Variants in KCNN2 observed in about 807,000 individuals in gnomAD.
KCNN2 encodes small conductance calcium-activated potassium channel protein 2.
In KCNN2, 24 loss-of-function variants were observed where a neutral mutation model predicts 55.5. The ratio of observed to expected loss-of-function variants is 0.43; its 90% CI spans 0.31 to 0.61. The LOEUF is 0.61. Among genes scored for constraint, KCNN2 ranks in the 20% least tolerant of loss-of-function variants. The pLI is 0.08. For synonymous variants in KCNN2, 431 were observed against 336.1 expected (o/e 1.28, Z -3.09); for missense variants, 754 against 853.6 (o/e 0.88, Z 1.45).
At chr5:114,255,944 A>T (rs1754974433) in intron 2 of KCNN2, among the ~76,000 whole-genome samples, 1 of 151,968 alleles carries the variant, frequency 6.6e-6, no homozygotes, top group Non-Finnish European at 1.5e-5. Context: ...TTTTAGGGGA[A>T]CTATCCCCTA....
intron 2 of KCNN2, among the ~76,000 whole-genome samples, chr5:114,227,100 CT>C (rs1289336420): frequency 1.3e-5 from 2 of 152,026 alleles, no homozygotes; most frequent in African/African-American, 2.4e-5. Flanking sequence ...TTATTACTGT[CT>C]GAAAAGTTTT....
intron 4 of KCNN2, among the ~76,000 whole-genome samples, chr5:114,463,896 G>T (rs925452909): frequency 1.3e-5 from 2 of 152,174 alleles, no homozygotes; most frequent in African/African-American, 2.4e-5. Flanking sequence ...AGTAGGGAGA[G>T]CATTCCAGGA....
chr5:114,210,549 C>G (rs1753862484), intron 1 of KCNN2, among the ~76,000 whole-genome samples: 1 of 152,118 alleles, frequency 6.6e-6, no homozygotes, highest in South Asian at 2.1e-4. Context: ...AAGTAATAAT[C>G]ACAGAAAAAT....
intron 1 of KCNN2, among the ~76,000 whole-genome samples, chr5:114,154,170 G>A (rs1035344896): frequency 6.6e-6 from 1 of 152,082 alleles, no homozygotes; most frequent in Non-Finnish European, 1.5e-5. Context: ...TGATACCAAG[G>A]TCACTGAGTT....
chr5:114,249,989 C>G (rs1371502941), intron 2 of KCNN2, among the ~76,000 whole-genome samples: 1 of 152,126 alleles, frequency 6.6e-6, no homozygotes, highest in East Asian at 1.9e-4. Flanking sequence ...TTTAAAATTA[C>G]TCACATATGC....
chr5:114,325,385 A>G (rs1756695394), intron 2 of KCNN2, among the ~76,000 whole-genome samples: 1 of 152,254 alleles, frequency 6.6e-6, no homozygotes, highest in Non-Finnish European at 1.5e-5. Context: ...AGATGCTAAA[A>G]TTAAATTATT....
chr5:114,487,979 G>C (rs147315211), intron 6 of KCNN2, among the ~76,000 whole-genome samples: 1 of 152,234 alleles, frequency 6.6e-6, no homozygotes, highest in African/African-American at 2.4e-5. Flanking sequence ...AAGATGCTTT[G>C]GCTATCCAAT....
At chr5:114,157,487 G>A (rs989366249) in intron 1 of KCNN2, among the ~76,000 whole-genome samples, 15 of 152,088 alleles carry the variant, frequency 9.9e-5, no homozygotes, top group East Asian at 7.7e-4. Flanking sequence ...TGTCTTTATA[G>A]CAGCATGATT....
intron 2 of KCNN2, among the ~76,000 whole-genome samples, chr5:114,336,396 T>C (rs1010826138): frequency 1.1e-4 from 16 of 152,240 alleles, no homozygotes; most frequent in African/African-American, 3.6e-4. Flanking sequence ...AGTATTGTAT[T>C]TGAAATGCCT....
chr5:114,279,386 G>GGT (rs1755569920), intron 2 of KCNN2, among the ~76,000 whole-genome samples: 1 of 151,730 alleles, frequency 6.6e-6, no homozygotes, highest in African/African-American at 2.4e-5. Context: ...TGTGCATTTT[G>GGT]GTGTGTTGCA....
In KCNN2 at chr5:114,161,851, A is replaced by G. The variant is rs976113183; in HGVS notation, c.-270-59629A>G. Reference sequence around the variant, plus strand: ...TTCTCATGCCATGGTTTTCAGCTCCATCAGGTCCTTTAAGGACTTCTCTGC... The same window carrying G: ...TTCTCATGCCATGGTTTTCAGCTCCGTCAGGTCCTTTAAGGACTTCTCTGC... On this transcript the variant is annotated intron_variant, in intron 1 of 10. Transcript: ENST00000512097. Among the ~76,000 whole-genome samples the G allele has an allele frequency of 2.6e-5, 4 of 152,270 alleles. 1 individual carries two copies. The highest frequency in any genetic ancestry group is 2.6e-4 in the Admixed American group (4 of 15,302).
chr5:114,458,249 A>AT (rs1358451262), intron 3 of KCNN2, among the ~76,000 whole-genome samples: 24 of 152,048 alleles, frequency 1.6e-4, no homozygotes, highest in South Asian at 1.0e-3. Context: ...TTGAGATGAG[A>AT]TTTTTTTTCC....
intron 2 of KCNN2, among the ~76,000 whole-genome samples, chr5:114,344,586 C>A (rs372477261): frequency 2.0e-5 from 3 of 152,160 alleles, no homozygotes; most frequent in Non-Finnish European, 1.5e-5. Flanking sequence ...TCTGCTGCCC[C>A]CTTCCCAGGA....
At chr5:114,161,285 T>C (rs752714240) in intron 1 of KCNN2, among the ~76,000 whole-genome samples, 1 of 151,912 alleles carries the variant, frequency 6.6e-6, no homozygotes, top group Non-Finnish European at 1.5e-5. Context: ...GGATATGAAA[T>C]TCTGGGTTGA....
intron 1 of KCNN2, among the ~76,000 whole-genome samples, chr5:114,091,063 C>T (rs1358505166): frequency 1.3e-5 from 2 of 152,206 alleles, no homozygotes; most frequent in Non-Finnish European, 2.9e-5. Context: ...TGATCTCAAA[C>T]TCCTGTGTTC....
intron 1 of KCNN2, among the ~76,000 whole-genome samples, chr5:114,065,846 GTTTTTTTTTTTTTTTTTTTTTTTT>G (rs56127808): frequency 2.2e-5 from 1 of 45,196 alleles, no homozygotes; most frequent in Non-Finnish European, 3.8e-5. Flanking sequence ...TCCTATGCAG[GTTTTTTTTTTTTTTTTTTTTTTTT>G]TTTTTTTTTT....
At chr5:114,260,883 TC>T (rs1299739888) in intron 2 of KCNN2, among the ~76,000 whole-genome samples, 1 of 152,108 alleles carries the variant, frequency 6.6e-6, no homozygotes, top group African/African-American at 2.4e-5. Flanking sequence ...GTGAGGCAAG[TC>T]AAAAATCTGC....
intron 2 of KCNN2, among the ~76,000 whole-genome samples, chr5:114,376,674 G>A (rs1561594896): frequency 6.6e-6 from 1 of 152,180 alleles, no homozygotes; most frequent in Admixed American, 6.5e-5. Flanking sequence ...ACATTCAGTG[G>A]GGTCCAAGCT....
intron 1 of KCNN2, among the ~76,000 whole-genome samples, chr5:114,179,935 C>T (rs1410591206): frequency 6.6e-6 from 1 of 152,144 alleles, no homozygotes; most frequent in East Asian, 1.9e-4. Context: ...CATTTACAGC[C>T]ACTTATCTTT....
Sources: allele counts gnomAD v4.1 joint callset (sites outside exome capture counted in the v4.1 genomes callset), GRCh38; gene constraint gnomAD v4.1.1; transcripts MANE v1.5; gene names NCBI Gene and HGNC (gene_info 2026-07-23, HGNC 2026-07-21).